The following ANKRD11 variants were observed in gnomAD, a reference collection of about 807,000 sequenced individuals.
The protein encoded by ANKRD11 is ankyrin repeat domain-containing protein 11.
In ANKRD11, 17 loss-of-function variants were observed where a neutral mutation model predicts 195.7. That is an observed-to-expected ratio of 0.09 (90% CI 0.06 to 0.13). The LOEUF is 0.13. Among genes scored for constraint, ANKRD11 ranks in the 10% least tolerant of loss-of-function variants. ANKRD11 has a pLI of 1.00. For synonymous variants in ANKRD11, 1,953 were observed against 1,528.1 expected (o/e 1.28, Z -6.49); for missense variants, 3,735 against 3,566.1 (o/e 1.05, Z -1.21).
intron 2 of ANKRD11, among the ~76,000 whole-genome samples, chr16:89,374,643 C>T (rs902462607): frequency 4.6e-5 from 7 of 152,162 alleles, no homozygotes; most frequent in Non-Finnish European, 1.0e-4. Flanking sequence ...CCATCTCCCG[C>T]GTGCTACGAT....
intron 1 of ANKRD11, among the ~76,000 whole-genome samples, chr16:89,450,603 C>G (rs1024276953): frequency 6.6e-6 from 1 of 152,120 alleles, no homozygotes; most frequent in Non-Finnish European, 1.5e-5. Flanking sequence ...ATTATCATTC[C>G]CAAATTCTCT....
Position 89,312,974 on chromosome 16 carries a change from G to C in ANKRD11, c.87+3959C>G, listed in dbSNP as rs568179352. ...GTGAGTCTGTAACTGGCACAGACTG[G>C]GGGGGTTTCTGCTGAGACTCGCTGG... On this transcript the variant is annotated intron_variant, in intron 3 of 12. Transcript: ENST00000301030. Among the ~76,000 whole-genome samples, 263 of 152,304 alleles carry C rather than the reference G, an allele frequency of 1.7e-3. 1 individual carries two copies. Among genetic ancestry groups the C allele is most frequent in the African/African-American group, 6.1e-3 (253 of 41,560 alleles).
In ANKRD11 at chr16:89,403,958, T is replaced by C. The variant is rs182532191; in HGVS notation, c.-60+14326A>G. Among the ~76,000 whole-genome samples, 186 of 152,198 alleles carry C rather than the reference T, an allele frequency of 1.2e-3. 1 individual carries two copies. The highest frequency in any genetic ancestry group is 4.3e-3 in the African/African-American group (178 of 41,520). ...AAAACAACAACACATCTTTATATTA[T>C]AGGGCACAGAAAGGAGCAAGATTAT... On this transcript the variant is annotated intron_variant, in intron 2 of 12. Transcript: ENST00000301030.
intron 2 of ANKRD11, among the ~76,000 whole-genome samples, chr16:89,369,377 C>T (rs1314030085): frequency 2.0e-5 from 3 of 152,206 alleles, no homozygotes; most frequent in Non-Finnish European, 4.4e-5. Flanking sequence ...GTGCATGACC[C>T]GCATGACCCT....
chr16:89,453,194 C>A lies in ANKRD11; in HGVS notation c.-144-34826G>T, dbSNP rs552809149. 2.0e-5 allele frequency among the ~76,000 whole-genome samples: 3 copies of A among 152,228 alleles called. No individual in the cohort carries two copies. The South Asian group carries it at 6.2e-4, about 32-fold the overall frequency. On this transcript the variant is annotated intron_variant, in intron 1 of 12. Coordinates refer to ENST00000301030, the MANE Select transcript of ANKRD11 (RefSeq NM_013275.6). ...CTCCTTTTTGTTTTTATTGCCCTGC[C>A]CTTCAGGGATTAAGTGCATTTCTTA...
At chr16:89,475,051 G>T (rs1178945331) in intron 1 of ANKRD11, among the ~76,000 whole-genome samples, 1 of 152,194 alleles carries the variant, frequency 6.6e-6, no homozygotes, top group Non-Finnish European at 1.5e-5. Flanking sequence ...GGTGGCAGCC[G>T]GGACTTCCAC....
chr16:89,431,466 G>A (rs2042975368), intron 1 of ANKRD11: 1 of 152,884 alleles, frequency 6.5e-6, no homozygotes, highest in Admixed American at 6.6e-5. Flanking sequence ...GCCCTTAACA[G>A]ATGCCACCTC....
Position 89,281,389 on chromosome 16 carries a change from A to C in ANKRD11, c.5153T>G (p.Val1718Gly). The change falls in exon 9 of 13, where the codon GTG (valine) becomes GGG (glycine). Residue 1718 changes from valine (V) to glycine (G), a missense_variant. Coordinates refer to ENST00000301030, the MANE Select transcript of ANKRD11 (RefSeq NM_013275.6). This position sits in a 1 kb window ranked among gnomAD's most constrained non-coding sequence, Gnocchi z 5.5. Reference protein sequence around the residue: ...SVLSCPSYEEVMHTPRTPSCS... With the variant: ...SVLSCPSYEEGMHTPRTPSCS... ...GGACGGGGTCCTGGGCGTGTGCATC[A>C]CCTCCTCGTAGCTGGGGCAGGATAG... 6.2e-7 allele frequency: 1 copy of C among 1,608,124 alleles called. No individual in the cohort carries two copies.
At chr16:89,272,230 AAGAC>A (rs1192536553) in intron 11 of ANKRD11, 1 of 152,190 alleles carries the variant, frequency 6.6e-6, no homozygotes, top group Non-Finnish European at 1.5e-5. Context: ...CTTTATCCAA[AAGAC>A]AGACAATCAC....
intron 2 of ANKRD11, among the ~76,000 whole-genome samples, chr16:89,335,092 T>C (rs1425278981): frequency 6.6e-6 from 1 of 152,180 alleles, no homozygotes; most frequent in East Asian, 1.9e-4. Context: ...CTAACACTGA[T>C]TGCTGACCAC....
intron 7 of ANKRD11, chr16:89,286,449 C>G (rs531588138): frequency 3.3e-6 from 2 of 597,946 alleles, no homozygotes; most frequent in African/African-American, 1.9e-5. Context: ...CAGAAGGGCT[C>G]TGCCTCCTTT....
chr16:89,404,396 C>T (rs1034134068), intron 2 of ANKRD11, among the ~76,000 whole-genome samples: 46 of 152,192 alleles, frequency 3.0e-4, no homozygotes, highest in Admixed American at 2.0e-4. Flanking sequence ...ACTGAAAACA[C>T]TGAAAAGGTA....
chr16:89,400,069 C>A (rs36035481), intron 2 of ANKRD11, among the ~76,000 whole-genome samples: 30,955 of 40,654 alleles, frequency 0.76, 11,177 homozygotes, highest in Middle Eastern at 0.88. Flanking sequence ...GCGCTGGGGG[C>A]CGGTCATCTG....
At chr16:89,468,891 G>T (rs745813304) in intron 1 of ANKRD11, among the ~76,000 whole-genome samples, 9 of 152,114 alleles carry the variant, frequency 5.9e-5, no homozygotes, top group Admixed American at 2.0e-4. Context: ...GTTTAACCCA[G>T]GAATACATGA....
chr16:89,367,933 G>A (rs1597804949), intron 2 of ANKRD11, among the ~76,000 whole-genome samples: 1 of 152,080 alleles, frequency 6.6e-6, no homozygotes, highest in East Asian at 1.9e-4. Context: ...GAGCCCAGGA[G>A]GTCAAGTCTG....
At chr16:89,278,123 G>A (rs1006829572) in intron 9 of ANKRD11, 3 of 241,908 alleles carry the variant, frequency 1.2e-5, no homozygotes, top group Admixed American at 5.2e-5. Context: ...GTGGAGTCGC[G>A]TGGTCTGGGA....
intron 3 of ANKRD11, 82 bp from the exon 4 acceptor site, chr16:89,305,426 G>C: frequency 6.3e-7 from 1 of 1,587,680 alleles, no homozygotes; most frequent in Non-Finnish European, 8.6e-7. Context: ...TATGCCAGGA[G>C]AAGCGCATCT....
intron 2 of ANKRD11, among the ~76,000 whole-genome samples, chr16:89,399,088 G>C (rs2041585541): frequency 6.6e-6 from 1 of 152,206 alleles, no homozygotes; most frequent in Non-Finnish European, 1.5e-5. Flanking sequence ...CATCATCCCT[G>C]AACACTGACC....
intron 2 of ANKRD11, among the ~76,000 whole-genome samples, chr16:89,348,596 G>A (rs974358786): frequency 6.6e-6 from 1 of 152,048 alleles, no homozygotes; most frequent in African/African-American, 2.4e-5. Flanking sequence ...TTGTGGGAAG[G>A]GTGTTAACTA....
Sources: allele counts gnomAD v4.1 joint callset (sites outside exome capture counted in the v4.1 genomes callset), GRCh38; gene constraint gnomAD v4.1.1; non-coding constraint Gnocchi (gnomAD v3.1); transcripts MANE v1.5; gene names NCBI Gene and HGNC (gene_info 2026-07-23, HGNC 2026-07-21).